CDH4: variants seen among roughly 807,000 people sequenced by gnomAD.
CDH4 encodes cadherin-4.
CDH4 carries 33 observed loss-of-function variants against 86.0 expected under a neutral mutation model. The ratio of observed to expected loss-of-function variants is 0.38; its 90% CI spans 0.29 to 0.51. The LOEUF (loss-of-function observed/expected upper bound fraction) is 0.51, where lower values mean the gene tolerates loss of function less well. Among genes scored for constraint, CDH4 ranks in the 20% least tolerant of loss-of-function variants. The probability of loss-of-function intolerance (pLI) is 0.86; values close to 1 mark genes in which losing one functional copy is unlikely to be tolerated. For synonymous variants in CDH4, 555 were observed against 549.4 expected, an observed-to-expected ratio of 1.01 and a Z score of -0.14; for missense variants, 1,114 against 1,307.4, an observed-to-expected ratio of 0.85 and a Z score of 2.28.
chr20:61,778,597 T>C (rs1978370393), intron 4 of CDH4, among the ~76,000 whole-genome samples: 1 of 152,082 alleles, frequency 6.6e-6, no homozygotes, highest in African/African-American at 2.4e-5. Flanking sequence ...GAGCCACGCC[T>C]GGTGGTTCTG....
At chr20:61,689,973 G>C (rs563910364) in intron 2 of CDH4, among the ~76,000 whole-genome samples, 2 of 151,408 alleles carry the variant, frequency 1.3e-5, no homozygotes, top group East Asian at 3.9e-4. Context: ...GAGGTGATGT[G>C]GAATCAGGCT....
chr20:61,929,671 A>C lies in CDH4; in HGVS notation c.2068A>C (p.Ile690Leu). The part of the protein sequence containing the change: ...YLEAGMYDVP[I>L]IVTDSGNPPL... ...GGAGGCCGGGATGTATGACGTCCCC[A>C]TCATCGTCACAGACTCTGGAAACCC... Residue 690 changes from isoleucine to leucine, a missense_variant, in exon 13 of 16, where the codon ATC becomes CTC. Around this residue, in one of 3 missense-constraint regions of CDH4, gnomAD observed 705 missense variants for 914.1 expected, o/e 0.77. Coordinates refer to ENST00000614565, the MANE Select transcript of CDH4 (RefSeq NM_001794.5). The C allele has an allele frequency of 1.2e-6, 2 of 1,614,132 alleles. No individual in the cohort carries two copies. Among genetic ancestry groups the C allele is most frequent in the Non-Finnish European group, 1.7e-6 (2 of 1,180,030 alleles).
intron 4 of CDH4, among the ~76,000 whole-genome samples, chr20:61,825,578 C>T (rs1382918722): frequency 6.6e-6 from 1 of 152,034 alleles, no homozygotes; most frequent in Non-Finnish European, 1.5e-5. Context: ...CTTTGGAAGG[C>T]GAGACTGTAT....
intron 3 of CDH4, among the ~76,000 whole-genome samples, chr20:61,755,667 C>T (rs1423954930): frequency 6.6e-6 from 1 of 151,576 alleles, no homozygotes; most frequent in African/African-American, 2.4e-5. Context: ...CACACATGCC[C>T]CACACACCAT....
intron 2 of CDH4, among the ~76,000 whole-genome samples, chr20:61,714,311 G>T (rs545125623): frequency 1.3e-5 from 2 of 152,286 alleles, no homozygotes; most frequent in Admixed American, 1.3e-4. Flanking sequence ...TTCCCAAAGT[G>T]CTGGGATTAC....
chr20:61,712,930 T>C (rs1034687220), intron 2 of CDH4, among the ~76,000 whole-genome samples: 2 of 152,096 alleles, frequency 1.3e-5, no homozygotes, highest in South Asian at 2.1e-4. Flanking sequence ...GAAATGTTAA[T>C]GTGCTAATAG....
chr20:61,805,977 C>T (rs373869307), intron 4 of CDH4, among the ~76,000 whole-genome samples: 1 of 152,192 alleles, frequency 6.6e-6, no homozygotes, highest in African/African-American at 2.4e-5. Context: ...TACGCAGGCC[C>T]GCTGGGAGGT....
chr20:61,277,974 T>C (rs369189882), intron 2 of CDH4, among the ~76,000 whole-genome samples: 102 of 152,330 alleles, frequency 6.7e-4, no homozygotes, highest in African/African-American at 2.3e-3. Context: ...GCCCCTGGCG[T>C]TGATCTCAGA....
intron 2 of CDH4, among the ~76,000 whole-genome samples, chr20:61,667,411 G>C (rs1390013036): frequency 6.6e-6 from 1 of 152,254 alleles, no homozygotes; most frequent in African/African-American, 2.4e-5. Flanking sequence ...CCGGGGAACA[G>C]AGAAGCGGGG....
intron 2 of CDH4, among the ~76,000 whole-genome samples, chr20:61,530,916 A>T (rs564489692): frequency 2.0e-5 from 3 of 152,280 alleles, no homozygotes; most frequent in Admixed American, 1.3e-4. Flanking sequence ...TGTTGGAAAG[A>T]ATCAGCTGCT....
chr20:61,274,700 G>T (rs1406955404), intron 2 of CDH4, among the ~76,000 whole-genome samples: 1 of 143,628 alleles, frequency 7.0e-6, no homozygotes, highest in Non-Finnish European at 1.5e-5. Flanking sequence ...GAAGTACCAT[G>T]GGCAGTTTGG....
chr20:61,686,595 A>G (rs2087579657), intron 2 of CDH4, among the ~76,000 whole-genome samples: 1 of 145,668 alleles, frequency 6.9e-6, no homozygotes, highest in African/African-American at 2.6e-5. Flanking sequence ...ATGTGTGTGC[A>G]TGAGCACGTG....
chr20:61,655,473 A>G (rs1292892987), intron 2 of CDH4, among the ~76,000 whole-genome samples: 1 of 152,260 alleles, frequency 6.6e-6, no homozygotes, highest in African/African-American at 2.4e-5. Context: ...CCATCGTTCC[A>G]GGCATGGCTG....
At chr20:61,903,955 T>A (rs994188274) in intron 8 of CDH4, among the ~76,000 whole-genome samples, 1 of 152,216 alleles carries the variant, frequency 6.6e-6, no homozygotes, top group African/African-American at 2.4e-5. Flanking sequence ...AAGCTTCTCC[T>A]CTCTGCTGCT....
intron 2 of CDH4, among the ~76,000 whole-genome samples, chr20:61,549,678 C>T (rs1454362927): frequency 6.6e-6 from 1 of 152,150 alleles, no homozygotes; most frequent in South Asian, 2.1e-4. Context: ...GCGAAGCCTC[C>T]GGGATGTTAT....
intron 2 of CDH4, among the ~76,000 whole-genome samples, chr20:61,533,288 G>A (rs867892190): frequency 6.6e-5 from 10 of 152,292 alleles, no homozygotes; most frequent in East Asian, 1.9e-4. Flanking sequence ...CACGGCAGGC[G>A]GCTGGGCGAG....
intron 12 of CDH4, 146 bp from the exon 13 acceptor site, chr20:61,929,463 T>C (rs760675523): frequency 8.2e-5 from 52 of 636,160 alleles, no homozygotes; most frequent in Non-Finnish European, 1.4e-4. Context: ...CTTAATGATG[T>C]AGCACAGGTG....
At chr20:61,447,008 T>G (rs2085354094) in intron 2 of CDH4, among the ~76,000 whole-genome samples, 1 of 152,216 alleles carries the variant, frequency 6.6e-6, no homozygotes, top group African/African-American at 2.4e-5. Context: ...TTAACTTACG[T>G]TTTTCCCTCT....
chr20:61,814,317 A>C (rs536210648), intron 4 of CDH4, among the ~76,000 whole-genome samples: 4 of 152,326 alleles, frequency 2.6e-5, no homozygotes, highest in African/African-American at 7.2e-5. Flanking sequence ...GCTAGGAAGT[A>C]GGGGCAGGAT....
Sources: gnomAD v4.1 joint callset for allele counts (sites outside exome capture counted in the v4.1 genomes callset) on GRCh38, gnomAD v4.1.1 for gene constraint, gnomAD v4.1.1 regional missense constraint, MANE v1.5 for transcripts, NCBI Gene and HGNC (gene_info 2026-07-23, HGNC 2026-07-21) for gene names.